CAPN5: variants seen among roughly 807,000 people sequenced by gnomAD.
CAPN5 encodes the protein calpain-5.
Under a neutral mutation model 73.0 loss-of-function variants are expected in CAPN5, and 54 were observed. That is an observed-to-expected ratio of 0.74 (90% CI 0.59 to 0.93). The LOEUF is 0.93. Among genes scored for constraint, CAPN5 ranks in the 40% least tolerant of loss-of-function variants. The pLI is 0.00. For synonymous variants in CAPN5, 335 were observed against 356.9 expected (o/e 0.94, Z 0.69); for missense variants, 785 against 882.9 (o/e 0.89, Z 1.41).
chr11:77,086,614 G>A (rs1319751264), intron 2 of CAPN5, among the ~76,000 whole-genome samples: 1 of 152,206 alleles, frequency 6.6e-6, no homozygotes, highest in Non-Finnish European at 1.5e-5. Context: ...CTCTTCCTTT[G>A]TCAAGTAGGT....
intron 1 of CAPN5, among the ~76,000 whole-genome samples, chr11:77,082,694 G>A (rs553227199): frequency 3.0e-4 from 45 of 152,262 alleles, no homozygotes; most frequent in Admixed American, 5.2e-4. Flanking sequence ...TGGCCCAGCC[G>A]AGCTCTCCCT....
At chr11:77,118,390 A>G in intron 8 of CAPN5, 38 bp downstream of exon 8, 2 of 1,510,774 alleles carry the variant, frequency 1.3e-6, no homozygotes, top group Non-Finnish European at 1.8e-6. Flanking sequence ...GCCCTGTAGC[A>G]GCTGCGGGGT....
intron 2 of CAPN5, among the ~76,000 whole-genome samples, 157 bp downstream of exon 2, chr11:77,085,208 G>A (rs1270604276): frequency 6.6e-6 from 1 of 152,166 alleles, no homozygotes; most frequent in Non-Finnish European, 1.5e-5. Context: ...ATCCGGATGG[G>A]GAGCTTGGAG....
At chr11:77,082,388 G>A (rs1483686236) in intron 1 of CAPN5, among the ~76,000 whole-genome samples, 4 of 152,198 alleles carry the variant, frequency 2.6e-5, no homozygotes, top group Non-Finnish European at 5.9e-5. Flanking sequence ...CTCAGGCTCA[G>A]AAAGAAAAGG....
chr11:77,093,057 A>G (rs1264361823), intron 2 of CAPN5, among the ~76,000 whole-genome samples: 1 of 152,230 alleles, frequency 6.6e-6, no homozygotes, highest in Non-Finnish European at 1.5e-5. Context: ...TTGACAAGTC[A>G]CAGTCCATCT....
intron 3 of CAPN5, among the ~76,000 whole-genome samples, chr11:77,108,485 T>C (rs1206026702): frequency 2.6e-5 from 4 of 152,068 alleles, no homozygotes; most frequent in Admixed American, 6.5e-5. Context: ...GAGGGAGCGT[T>C]GGAGGGATGA....
At chr11:77,092,202 C>A (rs765054237) in intron 2 of CAPN5, among the ~76,000 whole-genome samples, 1 of 152,072 alleles carries the variant, frequency 6.6e-6, no homozygotes, top group Non-Finnish European at 1.5e-5. Flanking sequence ...GGGTGACAGA[C>A]GAGACCATGC....
intron 3 of CAPN5, chr11:77,103,102 C>A: frequency 6.8e-6 from 11 of 1,613,886 alleles, no homozygotes; most frequent in Non-Finnish European, 9.3e-6. Flanking sequence ...CAGAACTGGA[C>A]GCCTGACCTC....
intron 11 of CAPN5, 45 bp from the exon 12 acceptor site, chr11:77,122,531 G>GCCCCCCCCCCCCCCCCCCCCCCCACC: frequency 1.6e-6 from 2 of 1,228,404 alleles, no homozygotes; most frequent in Non-Finnish European, 2.3e-6. Context: ...CCCTGCCACA[G>GCCCCCCCCCCCCCCCCCCCCCCCACC]CCCCCACCCC....
intron 3 of CAPN5, among the ~76,000 whole-genome samples, chr11:77,103,642 T>G (rs1225311941): frequency 6.6e-6 from 1 of 152,200 alleles, no homozygotes; most frequent in African/African-American, 2.4e-5. Flanking sequence ...GCCTTCTCTC[T>G]GCTTCATTGT....
At chr11:77,077,136 C>T (rs1356996300) in intron 1 of CAPN5, among the ~76,000 whole-genome samples, 12 of 152,162 alleles carry the variant, frequency 7.9e-5, no homozygotes, top group Admixed American at 6.5e-4. Context: ...GCAGGCGGAT[C>T]ACCTGAGGTC....
intron 12 of CAPN5, 29 bp from the exon 13 acceptor site, chr11:77,123,659 C>G: frequency 6.3e-7 from 1 of 1,586,930 alleles, no homozygotes; most frequent in Non-Finnish European, 8.6e-7. Context: ...GGTAGCCCGC[C>G]CCTCCCATGA....
At chr11:77,098,402 C>T (rs1286561625) in intron 3 of CAPN5, among the ~76,000 whole-genome samples, 2 of 87,374 alleles carry the variant, frequency 2.3e-5, no homozygotes, top group African/African-American at 9.7e-5. Context: ...CCTCCCGGAC[C>T]GGGCGGCTGG....
intron 3 of CAPN5, among the ~76,000 whole-genome samples, chr11:77,105,531 G>T (rs1012555383): frequency 1.3e-4 from 20 of 152,192 alleles, no homozygotes; most frequent in African/African-American, 4.8e-4. Flanking sequence ...TCCCTGCCTT[G>T]CAGGGCCACT....
chr11:77,110,117 C>CT (rs34542185), intron 3 of CAPN5, among the ~76,000 whole-genome samples: 24,896 of 144,326 alleles, frequency 0.17, 2,092 homozygotes, highest in Middle Eastern at 0.28. Flanking sequence ...TGGAACCGCT[C>CT]TTTTTTTTTT....
chr11:77,113,435 A>G (rs1452367510), intron 4 of CAPN5, among the ~76,000 whole-genome samples: 2 of 152,284 alleles, frequency 1.3e-5, no homozygotes, highest in Non-Finnish European at 2.9e-5. Flanking sequence ...CGCCTAGGCC[A>G]GGAGGGAGGA....
chr11:77,073,724 A>G (rs1949936144), intron 1 of CAPN5, among the ~76,000 whole-genome samples: 1 of 152,154 alleles, frequency 6.6e-6, no homozygotes, highest in African/African-American at 2.4e-5. Flanking sequence ...CCTGGTGGAG[A>G]ATGGATTGGA....
intron 7 of CAPN5, among the ~76,000 whole-genome samples, 172 bp from the exon 8 acceptor site, chr11:77,117,985 G>A (rs368935497): frequency 9.9e-5 from 15 of 152,206 alleles, no homozygotes; most frequent in African/African-American, 3.4e-4. Context: ...GAGAGGTTAA[G>A]GGTCTGTGCA....
At chr11:77,121,345 G>A (rs1287882984) in intron 10 of CAPN5, among the ~76,000 whole-genome samples, 1 of 152,254 alleles carries the variant, frequency 6.6e-6, no homozygotes, top group Non-Finnish European at 1.5e-5. Flanking sequence ...GTGGCTCTGG[G>A]CTCCAGTGGA....
Sources: gnomAD v4.1 joint callset for allele counts (sites outside exome capture counted in the v4.1 genomes callset) on GRCh38, gnomAD v4.1.1 for gene constraint, MANE v1.5 for transcripts, NCBI Gene and HGNC (gene_info 2026-07-23, HGNC 2026-07-21) for gene names.